GUCY1A2: variants seen among roughly 807,000 people sequenced by gnomAD.
GUCY1A2 encodes guanylate cyclase 1 soluble subunit alpha 2.
GUCY1A2 carries 27 observed loss-of-function variants against 63.5 expected under a neutral mutation model. The ratio of observed to expected loss-of-function variants is 0.43; its 90% CI spans 0.31 to 0.59. The LOEUF (loss-of-function observed/expected upper bound fraction) is 0.59, where lower values mean the gene tolerates loss of function less well. Ranked by LOEUF, GUCY1A2 falls within the 20% of genes least tolerant of loss-of-function variation. GUCY1A2 has a pLI of 0.11. For synonymous variants in GUCY1A2, 364 were observed against 343.5 expected (o/e 1.06, Z -0.66); for missense variants, 768 against 913.3 (o/e 0.84, Z 2.05).
intron 4 of GUCY1A2, among the ~76,000 whole-genome samples, chr11:106,916,909 G>T (rs1285104045): frequency 2.1e-5 from 3 of 145,526 alleles, no homozygotes; most frequent in Non-Finnish European, 4.6e-5. Context: ...TTGCAGAATT[G>T]AATACCAATC....
intron 4 of GUCY1A2, among the ~76,000 whole-genome samples, chr11:106,930,708 A>C (rs1383425109): frequency 1.3e-5 from 2 of 152,202 alleles, no homozygotes; most frequent in East Asian, 3.8e-4. Flanking sequence ...GAAAAGTAAA[A>C]CTGTAACAAA....
chr11:107,017,908 G>C lies in GUCY1A2; in HGVS notation c.148C>G (p.Pro50Ala). The change falls in exon 1 of 8, where the codon CCG (proline) becomes GCG (alanine). Residue 50 changes from proline to alanine, a missense_variant. By Grantham distance (27) the Pro-to-Ala change is conservative. Transcript: ENST00000526355. The stretch of plus-strand genomic sequence containing the variant: ...GCGGCGGCAGCGGCAGCTGCGGCCG[G>C]GCTGGGCTCCAGCGGCCCGGGCGGG... ...RSPPGPLEPS[P>A]AAAAAAAAPA... The C allele has an allele frequency of 2.4e-6, 3 of 1,271,730 alleles. No individual in the cohort carries two copies. Among genetic ancestry groups the C allele is most frequent in the East Asian group, 3.2e-5 (1 of 31,262 alleles). 78.8% of individuals were successfully genotyped at this position (1,271,730 alleles called of 1,614,324 possible).
chr11:106,951,954 T>C (rs1053690134), intron 3 of GUCY1A2, among the ~76,000 whole-genome samples: 6 of 152,250 alleles, frequency 3.9e-5, no homozygotes, highest in Admixed American at 1.3e-4. Context: ...TTTCTGCATA[T>C]GGCTAGCCAG....
intron 6 of GUCY1A2, among the ~76,000 whole-genome samples, chr11:106,725,119 A>ATATTTC (rs1863382227): frequency 7.3e-6 from 1 of 136,456 alleles, no homozygotes; most frequent in Non-Finnish European, 1.6e-5. Flanking sequence ...GATATTTATG[A>ATATTTC]TATTTCTATG....
Position 106,676,959 on chromosome 11 carries a change from C to T in GUCY1A2, c.*10590G>A, listed in dbSNP as rs1027732808. The T allele has an allele frequency of 1.0e-4, 21 of 210,946 alleles. No homozygotes were observed. Among genetic ancestry groups the T allele is most frequent in the African/African-American group, 4.8e-4 (21 of 44,080 alleles). The allele number at this position is 210,946 out of a possible 1,614,324, so 13.1% of individuals were successfully genotyped here. A position where few individuals can be genotyped will look rare whatever the true frequency, so the allele number is the denominator to read the frequency against. On this transcript the variant is annotated 3_prime_UTR_variant, in exon 8 of 8. Transcript: ENST00000526355. ...TAGATTTTTATAGACCCACATTTCTCTTGACTGACAGTCTCTGGAAGTCAA... is the reference window on the plus strand; with the variant it reads ...TAGATTTTTATAGACCCACATTTCTTTTGACTGACAGTCTCTGGAAGTCAA...
chr11:106,798,807 C>T (rs1473876791), intron 5 of GUCY1A2, among the ~76,000 whole-genome samples: 1 of 152,052 alleles, frequency 6.6e-6, no homozygotes, highest in African/African-American at 2.4e-5. Flanking sequence ...CAGCCAATAT[C>T]ATACTGAATG....
At chr11:106,874,179 T>G (rs1388528420) in intron 4 of GUCY1A2, among the ~76,000 whole-genome samples, 1 of 152,202 alleles carries the variant, frequency 6.6e-6, no homozygotes, top group Non-Finnish European at 1.5e-5. Flanking sequence ...AAAAAATATT[T>G]GCTGAATACA....
chr11:106,919,370 T>G (rs1183820446), intron 4 of GUCY1A2, among the ~76,000 whole-genome samples: 1 of 152,166 alleles, frequency 6.6e-6, no homozygotes, highest in Non-Finnish European at 1.5e-5. Context: ...GAGTAGATTT[T>G]AGATGTTACC....
intron 2 of GUCY1A2, among the ~76,000 whole-genome samples, chr11:106,982,627 C>T (rs571195296): frequency 6.6e-6 from 1 of 152,194 alleles, no homozygotes; most frequent in South Asian, 2.1e-4. Flanking sequence ...TCAGGGCAGG[C>T]TTTCCTGTAG....
intron 4 of GUCY1A2, among the ~76,000 whole-genome samples, chr11:106,906,762 A>G (rs1392235320): frequency 6.6e-6 from 1 of 152,222 alleles, no homozygotes; most frequent in Non-Finnish European, 1.5e-5. Flanking sequence ...AGCCATAAAA[A>G]GGATGAGTTC....
At chr11:106,958,461 G>A (rs1485452197) in intron 3 of GUCY1A2, among the ~76,000 whole-genome samples, 1 of 152,116 alleles carries the variant, frequency 6.6e-6, no homozygotes, top group African/African-American at 2.4e-5. Context: ...TCATATACTA[G>A]GTGGTGATTT....
At chr11:106,936,035 G>C (rs1232679703) in intron 4 of GUCY1A2, among the ~76,000 whole-genome samples, 1 of 152,082 alleles carries the variant, frequency 6.6e-6, no homozygotes, top group Non-Finnish European at 1.5e-5. Flanking sequence ...GGCTGTCAGA[G>C]ACACCTCTCT....
chr11:106,968,383 A>G (rs933499742), intron 3 of GUCY1A2, among the ~76,000 whole-genome samples: 3 of 152,208 alleles, frequency 2.0e-5, no homozygotes, highest in African/African-American at 7.2e-5. Flanking sequence ...TAATGCAATC[A>G]TATTTCCCTA....
intron 4 of GUCY1A2, among the ~76,000 whole-genome samples, chr11:106,898,090 A>T (rs1340312017): frequency 6.6e-6 from 1 of 152,238 alleles, no homozygotes; most frequent in African/African-American, 2.4e-5. Context: ...AACTATAGGA[A>T]TATATGTTCC....
At chr11:106,850,310 G>A (rs1007342467) in intron 4 of GUCY1A2, among the ~76,000 whole-genome samples, 1 of 151,694 alleles carries the variant, frequency 6.6e-6, no homozygotes, top group African/African-American at 2.4e-5. Context: ...GGTAACAAGT[G>A]TATCAATCAC....
intron 4 of GUCY1A2, among the ~76,000 whole-genome samples, chr11:106,927,316 T>C (rs1860539204): frequency 6.6e-6 from 1 of 150,978 alleles, no homozygotes; most frequent in Non-Finnish European, 1.5e-5. Context: ...GAGCTTGCAG[T>C]GAGCAGAGAT....
intron 6 of GUCY1A2, among the ~76,000 whole-genome samples, chr11:106,754,196 C>CA (rs1863933441): frequency 6.6e-6 from 1 of 152,118 alleles, no homozygotes; most frequent in South Asian, 2.1e-4. Flanking sequence ...GATTTTTGCA[C>CA]ATTGATTTTG....
intron 4 of GUCY1A2, among the ~76,000 whole-genome samples, chr11:106,813,293 G>A (rs898913247): frequency 6.6e-6 from 1 of 151,878 alleles, no homozygotes; most frequent in African/African-American, 2.4e-5. Context: ...CTATAGTAAA[G>A]GGTTAAATAT....
intron 4 of GUCY1A2, among the ~76,000 whole-genome samples, chr11:106,822,733 A>G (rs1157912439): frequency 6.6e-6 from 1 of 152,230 alleles, no homozygotes; most frequent in Admixed American, 6.5e-5. Flanking sequence ...GTTTAAGAAG[A>G]ATATTTTTTA....
Sources: allele counts gnomAD v4.1 joint callset (sites outside exome capture counted in the v4.1 genomes callset), GRCh38; gene constraint gnomAD v4.1.1; transcripts MANE v1.5; gene names NCBI Gene and HGNC (gene_info 2026-07-23, HGNC 2026-07-21).